Variants in ECEL1 observed in about 807,000 individuals in gnomAD.
ECEL1 encodes the protein endothelin converting enzyme like 1, also known as endothelin-converting enzyme-like 1.
ECEL1 carries 87 observed loss-of-function variants against 101.8 expected under a neutral mutation model. The observed-to-expected ratio is 0.85, with a 90% CI of 0.72 to 1.02. The LOEUF (loss-of-function observed/expected upper bound fraction) is 1.02. Among genes scored for constraint, ECEL1 ranks in the 50% least tolerant of loss-of-function variants. ECEL1 has a pLI of 0.00. For synonymous variants in ECEL1, 487 were observed against 468.7 expected (o/e 1.04, Z -0.50); for missense variants, 1,032 against 1,079.2 (o/e 0.96, Z 0.61).
intron 1 of ECEL1, among the ~76,000 whole-genome samples, chr2:232,487,411 C>G (rs1459184942): frequency 6.6e-6 from 1 of 152,120 alleles, no homozygotes; most frequent in Non-Finnish European, 1.5e-5. Flanking sequence ...TTCCCTCCCC[C>G]CACTCCCACC....
At chr2:232,482,122 C>T (rs2106183239) in intron 12 of ECEL1, among the ~76,000 whole-genome samples, 1 of 152,362 alleles carries the variant, frequency 6.6e-6, no homozygotes, top group Middle Eastern at 3.4e-3. Context: ...GAAACGGAGG[C>T]ACCTACGTAG....
intron 1 of ECEL1, among the ~76,000 whole-genome samples, 195 bp from the exon 2 acceptor site, chr2:232,486,949 C>T (rs1348222027): frequency 6.6e-6 from 1 of 152,198 alleles, no homozygotes; most frequent in Non-Finnish European, 1.5e-5. Context: ...CTGTCCCCTC[C>T]CTGCACACAC....
rs764126061 is a variant in ECEL1 at position 232,482,641 on chromosome 2, C to G, written c.1686-33G>C. The stretch of plus-strand genomic sequence containing the variant: ...GGGATGCTGGGGTGAATGGGGGGAA[C>G]ACACTCCCTCCCCCGCTACCCTCAC... On this transcript the variant is annotated intron_variant, in intron 10 of 17. Coordinates refer to ENST00000304546, the MANE Select transcript of ECEL1 (RefSeq NM_004826.4). 9 of 1,589,768 alleles carry G rather than the reference C, an allele frequency of 5.7e-6. No individual in the cohort carries two copies. In the South Asian group the frequency reaches 6.8e-5, roughly 12 times the overall value.
At position 232,484,481 on chromosome 2, in the gene ECEL1, G is replaced by A. The variant is rs758450876; in HGVS notation, c.1175C>T (p.Thr392Ile). 1.2e-6 allele frequency: 2 copies of A among 1,613,912 alleles called. No individual in the cohort carries two copies. The highest frequency in any genetic ancestry group is 2.2e-5 in the East Asian group (1 of 44,884). The change falls in exon 6 of 18, where the codon ACA (threonine) becomes ATA (isoleucine). Residue 392 changes from threonine (T) to isoleucine (I), a missense_variant. Transcript: ENST00000304546. ...MQQVSQLIRS[T>I]PHRVLHNYLV... ...AGATCTGCAGCCATACCGGTGGGGT[G>A]TGGAGCGGATGAGCTGCGACACCTG...
At chr2:232,482,000 C>T in intron 12 of ECEL1, 151 bp from the exon 13 acceptor site, 1 of 934,676 alleles carries the variant, frequency 1.1e-6, no homozygotes, top group Non-Finnish European at 1.6e-6. Context: ...ACATGTGCCT[C>T]AGCTTCCTCA....
At position 232,484,113 on chromosome 2, in the gene ECEL1, T is replaced by C; in HGVS notation, c.1295A>G (p.Asp432Gly). Reference sequence around the variant, plus strand: ...GACCCGGGCCAGCTCCTGTGGCTTGTCGCTGCCCTCCATCTCCTGTGCCAG... The same window carrying C: ...GACCCGGGCCAGCTCCTGTGGCTTGCCGCTGCCCTCCATCTCCTGTGCCAG... Reference protein sequence around the residue: ...HELAQEMEGSDKPQELARVCL... With the variant: ...HELAQEMEGSGKPQELARVCL... Residue 432 changes from aspartate to glycine, a missense_variant, in exon 7 of 18, where the codon GAC (aspartate) becomes GGC (glycine). Coordinates refer to ENST00000304546, the MANE Select transcript of ECEL1 (RefSeq NM_004826.4). 3 of 1,613,768 alleles carry C rather than the reference T, an allele frequency of 1.9e-6. No homozygotes were observed. Among genetic ancestry groups the C allele is most frequent in the Non-Finnish European group, 2.5e-6 (3 of 1,180,024 alleles).
At chr2:232,480,952 G>C in intron 15 of ECEL1, 139 bp from the exon 16 acceptor site, 3 of 1,353,146 alleles carry the variant, frequency 2.2e-6, no homozygotes, top group Non-Finnish European at 3.1e-6. Context: ...GTGGACCGTG[G>C]CCCCAGCACA....
Position 232,484,214 on chromosome 2 carries a change from G to A in ECEL1, c.1194C>T (p.His398=). The change falls in exon 7 of 18, where the codon CAC becomes CAT. Residue 398 remains histidine, a synonymous_variant. Coordinates refer to ENST00000304546, the MANE Select transcript of ECEL1 (RefSeq NM_004826.4). The stretch of plus-strand genomic sequence containing the variant: ...CCACCACGCGCCACACCAGGTAGTT[G>A]TGCAGGACCCTGGGGACCAGGTGAA... ...LIRSTPHRVL[H]NYLVWRVVVV... is the part of the protein sequence containing the mutation. 6.2e-7 allele frequency: 1 copy of A among 1,611,368 alleles called. No homozygotes were observed. The highest frequency in any genetic ancestry group is 8.5e-7 in the Non-Finnish European group (1 of 1,179,024).
At chr2:232,480,890 A>G in intron 15 of ECEL1, 77 bp from the exon 16 acceptor site, 1 of 1,448,716 alleles carries the variant, frequency 6.9e-7, no homozygotes, top group Non-Finnish European at 9.4e-7. Flanking sequence ...CCATCTAGGT[A>G]GCCCTCCCTG....
chr2:232,480,384 G>C lies in ECEL1; in HGVS notation c.2228+15C>G. On this transcript the variant is annotated intron_variant, in intron 17 of 17. Coordinates refer to ENST00000304546, the MANE Select transcript of ECEL1 (RefSeq NM_004826.4). Reference sequence around the variant, plus strand: ...CACAAGGAGTGGACAAGGCCAGGCGGGCAGGTGGGCATACCTGTAGTGCTC... The same window carrying C: ...CACAAGGAGTGGACAAGGCCAGGCGCGCAGGTGGGCATACCTGTAGTGCTC... The C allele has an allele frequency of 6.2e-7, 1 of 1,613,564 alleles. No homozygotes were observed. Among genetic ancestry groups the C allele is most frequent in the Non-Finnish European group, 8.5e-7 (1 of 1,179,608 alleles).
In ECEL1 at chr2:232,484,827, C is replaced by T. The variant is rs1347082384; in HGVS notation, c.1033G>A (p.Gly345Arg). 12 of 1,613,868 alleles carry T rather than the reference C, an allele frequency of 7.4e-6. No individual in the cohort carries two copies. The highest frequency in any genetic ancestry group is 1.0e-5 in the Non-Finnish European group (12 of 1,180,022). The change falls in exon 5 of 18, where the codon GGG (glycine) becomes AGG (arginine). Residue 345 changes from glycine (G) to arginine (R), a missense_variant. Coordinates refer to ENST00000304546, the MANE Select transcript of ECEL1 (RefSeq NM_004826.4). The stretch of plus-strand genomic sequence containing the variant: ...TGGGGGGTGATCTTCTGCAGCTGCC[C>T]CAGCGTCACCTTGTTGTACATGGAG... ...VSSMYNKVTL[G>R]QLQKITPHLR... is the part of the protein sequence containing the mutation.
chr2:232,483,638 A>G, intron 7 of ECEL1, 124 bp from the exon 8 acceptor site: 1 of 784,328 alleles, frequency 1.3e-6, no homozygotes, highest in Non-Finnish European at 2.0e-6. Flanking sequence ...CTGAACACCA[A>G]GAGGATACTT....
chr2:232,486,171 T>C lies in ECEL1; in HGVS notation c.483A>G (p.Leu161=), dbSNP rs1342001487. 6.3e-6 allele frequency: 10 copies of C among 1,585,956 alleles called. No individual in the cohort carries two copies. The highest frequency in any genetic ancestry group is 1.4e-5 in the African/African-American group (1 of 73,584). The change falls in exon 2 of 18, where the codon CTA becomes CTG. Residue 161 remains leucine, a synonymous_variant. Transcript: ENST00000304546. ...CCCCGGGCCGCGCCAGCAGGCGCCG[T>C]AGGCGCTCCTCGTTTTGCTCGCCGA... is the stretch of plus-strand genomic sequence containing the variant. ...AAIGEQNEER[L]RRLLARPGGG...
Position 232,486,710 on chromosome 2 carries a change from G to T in ECEL1, c.-57C>A. The T allele has an allele frequency of 7.1e-7, 1 of 1,401,042 alleles. No homozygotes were observed. The highest frequency in any genetic ancestry group is 2.9e-5 in the East Asian group (1 of 34,058). 86.8% of individuals were successfully genotyped at this position (1,401,042 alleles called of 1,614,324 possible). ...CCACCTGGGCTACGGGATGCGCGTG[G>T]CCGCCGGCCTCCTCGTGGGCCTCCG... On this transcript the variant is annotated 5_prime_UTR_variant, in exon 2 of 18. Transcript: ENST00000304546.
intron 12 of ECEL1, 66 bp downstream of exon 12, chr2:232,482,352 C>A: frequency 1.2e-6 from 2 of 1,608,116 alleles, no homozygotes; most frequent in Non-Finnish European, 1.7e-6. Context: ...CGACACACAC[C>A]TGGTAGACAA....
chr2:232,482,632 T>C (rs1442309152), intron 10 of ECEL1, 24 bp from the exon 11 acceptor site: 2 of 1,599,286 alleles, frequency 1.3e-6, no homozygotes, highest in Admixed American at 1.7e-5. Flanking sequence ...CTGGGGTGAA[T>C]GGGGGGAACA....
rs755331817 is a variant in ECEL1, at chr2:232,483,145, T to C, written c.1541A>G (p.Asp514Gly). Residue 514 changes from aspartate to glycine, a missense_variant, in exon 9 of 18, where the codon GAC (aspartate) becomes GGC (glycine). By Grantham distance (94) the Asp-to-Gly change is moderately conservative (BLOSUM62 -1). Coordinates refer to ENST00000304546, the MANE Select transcript of ECEL1 (RefSeq NM_004826.4). ...QYMMVMVGYP[D>G]FLLKPDAVDK... is the part of the protein sequence containing the mutation. ...CACAGCATCGGGTTTCAGCAGGAAGTCCGGGTAGCCGACCATCACCATCAT... is the reference window on the plus strand; with the variant it reads ...CACAGCATCGGGTTTCAGCAGGAAGCCCGGGTAGCCGACCATCACCATCAT... The C allele has an allele frequency of 6.2e-7, 1 of 1,608,894 alleles. No individual in the cohort carries two copies.
In ECEL1 at chr2:232,483,453, C is replaced by T. The variant is rs780823763; in HGVS notation, c.1469G>A (p.Trp490Ter). The change falls in exon 8 of 18, where the codon TGG (tryptophan) becomes TAG (stop). Residue 490 changes from tryptophan (W) to a stop codon, truncating the protein, a stop_gained. Transcript: ENST00000304546. LOFTEE classifies it high-confidence loss of function. ...ILGQRLEELD[W>*]MDAETRAAAR... ...AGCAGCCCTGGTCTCGGCGTCCATC[C>T]AGTCCAGCTCCTCCAGGCGCTGGCC... 6.2e-7 allele frequency: 1 copy of T among 1,612,472 alleles called. No individual in the cohort carries two copies. The highest frequency in any genetic ancestry group is 8.5e-7 in the Non-Finnish European group (1 of 1,179,708).
chr2:232,483,221 A>AC (rs1209977761), intron 8 of ECEL1, 42 bp from the exon 9 acceptor site: 2 of 1,575,836 alleles, frequency 1.3e-6, no homozygotes, highest in Non-Finnish European at 1.7e-6. Flanking sequence ...AGGCCTCGGG[A>AC]GACAGCCCCC....
Sources: gnomAD v4.1 joint callset for allele counts (sites outside exome capture counted in the v4.1 genomes callset) on GRCh38, gnomAD v4.1.1 for gene constraint, MANE v1.5 for transcripts, NCBI Gene and HGNC (gene_info 2026-07-23, HGNC 2026-07-21) for gene names.